The following KEAP1 variants were observed in gnomAD, a reference collection of about 807,000 sequenced individuals.
The protein encoded by KEAP1 is kelch-like ECH-associated protein 1.
KEAP1 carries 26 observed loss-of-function variants against 59.7 expected under a neutral mutation model. The observed-to-expected ratio is 0.44, with a 90% CI of 0.32 to 0.60. The LOEUF (loss-of-function observed/expected upper bound fraction) is 0.60, where lower values mean the gene tolerates loss of function less well. Among genes scored for constraint, KEAP1 ranks in the 20% least tolerant of loss-of-function variants. KEAP1 has a pLI of 0.06. For missense variants in KEAP1, 539 were observed against 871.4 expected, an observed-to-expected ratio of 0.62 and a Z score of 4.80; for synonymous variants, 350 against 358.3, an observed-to-expected ratio of 0.98 and a Z score of 0.26.
rs756025176 is a variant in KEAP1, at chr19:10,491,957, C to G, written c.945G>C (p.Gln315His). 10 of 1,613,984 alleles carry G rather than the reference C, an allele frequency of 6.2e-6. No individual in the cohort carries two copies. The highest frequency in any genetic ancestry group is 8.5e-6 in the Non-Finnish European group (10 of 1,179,994). ...FEELTLHKPT[Q>H]VMPCRAPKVG... ...CCTTGGGCGCCCGGCAGGGCATCAC[C>G]TGCGTGGGCTTGTGCAGGGTGAGCT... is the stretch of plus-strand genomic sequence containing the variant. The change falls in exon 3 of 6, where the codon CAG (glutamine) becomes CAC (histidine). Residue 315 changes from glutamine (Q) to histidine (H), a missense_variant. Transcript: ENST00000171111. This position sits in a 1 kb window ranked among gnomAD's most constrained non-coding sequence, Gnocchi z 5.2.
At chr19:10,497,939 T>TAA (rs756173591) in intron 2 of KEAP1, among the ~76,000 whole-genome samples, 1 of 152,088 alleles carries the variant, frequency 6.6e-6, no homozygotes, top group Non-Finnish European at 1.5e-5. Flanking sequence ...TCGCTCTTAT[T>TAA]GCCCAGGCTG....
At chr19:10,489,476 C>A in intron 4 of KEAP1, 108 bp from the exon 5 acceptor site, 1 of 1,302,216 alleles carries the variant, frequency 7.7e-7, no homozygotes, top group Non-Finnish European at 1.1e-6. Context: ...TTCTCACCCT[C>A]AGAAATGAAG....
chr19:10,486,484 C>T lies in KEAP1; in HGVS notation c.*168G>A. On this transcript the variant is annotated 3_prime_UTR_variant, in exon 6 of 6. Coordinates refer to ENST00000171111, the MANE Select transcript of KEAP1 (RefSeq NM_203500.2). ...GGCTCCGCTGAGGGGCACATGATTCCCGCTTTGGACTTCTTTTGAGATGTC... is the reference window on the plus strand; with the variant it reads ...GGCTCCGCTGAGGGGCACATGATTCTCGCTTTGGACTTCTTTTGAGATGTC... 1.4e-6 allele frequency: 1 copy of T among 723,806 alleles called. No individual in the cohort carries two copies. The highest frequency in any genetic ancestry group is 2.3e-6 in the Non-Finnish European group (1 of 427,668). The allele number at this position is 723,806 out of a possible 1,614,324, so 44.8% of individuals were successfully genotyped here. A position where few individuals can be genotyped will look rare whatever the true frequency, so the allele number is the denominator to read the frequency against.
chr19:10,489,978 G>A (rs11879158), intron 3 of KEAP1, 125 bp from the exon 4 acceptor site: 58,849 of 930,084 alleles, frequency 0.063, 2,182 homozygotes, highest in Middle Eastern at 0.077. Context: ...TTCATCCGGC[G>A]CGATGGCTCA....
rs756100668 is a variant in KEAP1, at chr19:10,491,852, G to C, written c.1050C>G (p.Gly350=). 1 of 1,611,124 alleles carries C rather than the reference G, an allele frequency of 6.2e-7. No individual in the cohort carries two copies. Among genetic ancestry groups the C allele is most frequent in the East Asian group, 2.2e-5 (1 of 44,786 alleles). ...GCAGGTCCGCCAACCGGAGCCAGGT[G>C]CCGTCACTGGGGTTGTAAGCCTCCA... ...SYLEAYNPSD[G]TWLRLADLQV... The change falls in exon 3 of 6, where the codon GGC becomes GGG. Residue 350 remains glycine, a synonymous_variant. Transcript: ENST00000171111. The surrounding 1 kb of genome is among the most constrained non-coding windows in gnomAD (Gnocchi z 5.2).
chr19:10,488,612 AAAAACAAAACAAAAC>A (rs201214814), intron 5 of KEAP1, among the ~76,000 whole-genome samples: 4 of 149,676 alleles, frequency 2.7e-5, no homozygotes, highest in Non-Finnish European at 5.9e-5. Context: ...CTCTGTCTCA[AAAAACAAAACAAAAC>A]AAAACAAAAC....
intron 1 of KEAP1, among the ~76,000 whole-genome samples, chr19:10,501,252 T>G (rs1002286697): frequency 6.6e-6 from 1 of 151,860 alleles, no homozygotes; most frequent in African/African-American, 2.4e-5. Context: ...GTGTTTTGTT[T>G]TTCGAGACAG....
At chr19:10,493,061 T>A (rs1000818506) in intron 2 of KEAP1, among the ~76,000 whole-genome samples, 1 of 152,062 alleles carries the variant, frequency 6.6e-6, no homozygotes, top group African/African-American at 2.4e-5. Context: ...AGTGGTGTGA[T>A]CTTGCTTCAC....
In KEAP1 at chr19:10,491,557, C is replaced by G. The variant is rs745711400; in HGVS notation, c.1325+20G>C. On this transcript the variant is annotated intron_variant, in intron 3 of 5. Transcript: ENST00000171111. The surrounding 1 kb of genome is among the most constrained non-coding windows in gnomAD (Gnocchi z 5.2). ...CAGGAGCAGGACCCTCCGAGCCCAC[C>G]CCCAGGCCCTGCCACTCACCTCTCC... 1 of 1,497,326 alleles carries G rather than the reference C, an allele frequency of 6.7e-7. No homozygotes were observed. The highest frequency in any genetic ancestry group is 2.3e-5 in the East Asian group (1 of 42,590). 92.8% of individuals were successfully genotyped at this position (1,497,326 alleles called of 1,614,324 possible).
Position 10,489,438 on chromosome 19 carries a change from G to A in KEAP1, c.1532-70C>T, listed in dbSNP as rs1228765633. ...TGGGAACCCCAGCCATCACCTCCTT[G>A]AGGGAGACCTTTCCTCTCTCCTCTC... is the stretch of plus-strand genomic sequence containing the variant. On this transcript the variant is annotated intron_variant, in intron 4 of 5. Transcript: ENST00000171111. 4 of 1,475,296 alleles carry A rather than the reference G, an allele frequency of 2.7e-6. No homozygotes were observed. The African/African-American group carries it at 5.6e-5, about 21-fold the overall frequency. 91.4% of individuals were successfully genotyped at this position (1,475,296 alleles called of 1,614,324 possible). A position where few individuals can be genotyped will look rare whatever the true frequency, so the allele number is the denominator to read the frequency against.
intron 1 of KEAP1, among the ~76,000 whole-genome samples, chr19:10,501,748 T>C (rs1010937549): frequency 6.6e-6 from 1 of 152,064 alleles, no homozygotes; most frequent in African/African-American, 2.4e-5. Flanking sequence ...GATTTCACCA[T>C]GTTGGCCAGG....
At chr19:10,493,030 C>CT (rs1424381881) in intron 2 of KEAP1, among the ~76,000 whole-genome samples, 1 of 151,938 alleles carries the variant, frequency 6.6e-6, no homozygotes, top group Non-Finnish European at 1.5e-5. Context: ...GATTCTTACT[C>CT]TGTTGCCCAA....
At chr19:10,492,514 G>A in intron 2 of KEAP1, 2 of 484,838 alleles carry the variant, frequency 4.1e-6, no homozygotes, top group Non-Finnish European at 7.5e-6. Context: ...GTCAGGAGTT[G>A]AGAGACAAGC....
Position 10,491,584 on chromosome 19 carries a change from C to T in KEAP1, c.1318G>A (p.Val440Met), listed in dbSNP as rs529429039. The T allele has an allele frequency of 8.2e-5, 126 of 1,543,876 alleles. No individual in the cohort carries two copies. The highest frequency in any genetic ancestry group is 7.4e-4 in the Middle Eastern group (4 of 5,418). The change falls in exon 3 of 6, where the codon GTG (valine) becomes ATG (methionine). Residue 440 changes from valine (V) to methionine (M), a missense_variant. Transcript: ENST00000171111. The surrounding 1 kb of genome is among the most constrained non-coding windows in gnomAD (Gnocchi z 5.2). ...CCAGGCCCTGCCACTCACCTCTCCA[C>T]ACTGTTGTGGTGGATGCAGCCGTGG... ...GSHGCIHHNS[V>M]ERYEPERDEW...
chr19:10,487,960 C>T (rs1263577194), intron 5 of KEAP1, among the ~76,000 whole-genome samples: 1 of 151,970 alleles, frequency 6.6e-6, no homozygotes, highest in Non-Finnish European at 1.5e-5. Context: ...GAAAACCCTT[C>T]TCTACTAAAA....
intron 1 of KEAP1, among the ~76,000 whole-genome samples, chr19:10,501,031 G>A (rs1003790557): frequency 6.6e-6 from 1 of 152,150 alleles, no homozygotes; most frequent in Non-Finnish European, 1.5e-5. Context: ...GAGAAGGTGA[G>A]GTTGGAGCTG....
At position 10,492,178 on chromosome 19, in the gene KEAP1, C is replaced by G. The variant is rs1225595719; in HGVS notation, c.724G>C (p.Glu242Gln). The change falls in exon 3 of 6, where the codon GAG becomes CAG. Residue 242 changes from glutamate to glutamine, a missense_variant. Glu to Gln is a conservative substitution (Grantham distance 29). Around this residue, in one of 4 missense-constraint regions of KEAP1, gnomAD observed 61 missense variants for 129.9 expected, o/e 0.47. Transcript: ENST00000171111. ...ISRDDLNVRC[E>Q]SEVFHACINW... is the part of the protein sequence containing the mutation. Reference sequence around the variant, plus strand: ...ATGCAGGCGTGGAAGACCTCGGACTCGCAGCGCACGTTCAGGTCGTCCCGG... The same window carrying G: ...ATGCAGGCGTGGAAGACCTCGGACTGGCAGCGCACGTTCAGGTCGTCCCGG... The G allele has an allele frequency of 6.2e-7, 1 of 1,613,912 alleles. No homozygotes were observed. The highest frequency in any genetic ancestry group is 1.3e-5 in the African/African-American group (1 of 74,916).
At chr19:10,492,989 T>TTTTTA (rs1181432670) in intron 2 of KEAP1, among the ~76,000 whole-genome samples, 38 of 150,142 alleles carry the variant, frequency 2.5e-4, no homozygotes, top group African/African-American at 8.8e-4. Context: ...GCCCCGTTAA[T>TTTTTA]TTTTATTTTA....
rs2144602278 is a variant in KEAP1 at position 10,492,009 on chromosome 19, T to C, written c.893A>G (p.Lys298Arg). The change falls in exon 3 of 6, where the codon AAG becomes AGG. Residue 298 changes from lysine to arginine, a missense_variant. Around this residue, in one of 4 missense-constraint regions of KEAP1, gnomAD observed 61 missense variants for 129.9 expected, o/e 0.47. Transcript: ENST00000171111. Reference sequence around the variant, plus strand: ...CTCGAAGATCTTGACCAGGTAGTCCTTGCAGCGGGAGTCGGACTGCAGGAT... The same window carrying C: ...CTCGAAGATCTTGACCAGGTAGTCCCTGCAGCGGGAGTCGGACTGCAGGAT... ...CEILQSDSRC[K>R]DYLVKIFEEL... is the part of the protein sequence containing the mutation. 1 of 1,614,062 alleles carries C rather than the reference T, an allele frequency of 6.2e-7. No individual in the cohort carries two copies. Among genetic ancestry groups the C allele is most frequent in the African/African-American group, 1.3e-5 (1 of 75,074 alleles).
Sources: allele counts gnomAD v4.1 joint callset (sites outside exome capture counted in the v4.1 genomes callset), GRCh38; gene constraint gnomAD v4.1.1; regional missense constraint gnomAD v4.1.1; non-coding constraint Gnocchi (gnomAD v3.1); transcripts MANE v1.5; gene names NCBI Gene and HGNC (gene_info 2026-07-23, HGNC 2026-07-21).